The following SEMA5B variants were observed in gnomAD, a reference collection of about 807,000 sequenced individuals.
SEMA5B encodes the protein semaphorin 5B.
Under a neutral mutation model 135.0 loss-of-function variants are expected in SEMA5B, and 66 were observed. The ratio of observed to expected loss-of-function variants is 0.49; its 90% confidence interval spans 0.40 to 0.60. The LOEUF is 0.60. Among genes scored for constraint, SEMA5B ranks in the 20% least tolerant of loss-of-function variants. SEMA5B has a pLI of 0.00. For synonymous variants in SEMA5B, 690 were observed against 639.5 expected, an observed-to-expected ratio of 1.08 and a Z score of -1.19; for missense variants, 1,501 against 1,566.3, an observed-to-expected ratio of 0.96 and a Z score of 0.70.
intron 5 of SEMA5B, among the ~76,000 whole-genome samples, chr3:122,934,804 C>T (rs1185226022): frequency 2.0e-5 from 3 of 149,204 alleles, no homozygotes; most frequent in East Asian, 4.0e-4. Context: ...CAGCTTGAGG[C>T]CAAGAGTTGG....
chr3:123,028,088 C>A (rs1360112162), upstream of SEMA5B, among the ~76,000 whole-genome samples: 1 of 152,178 alleles, frequency 6.6e-6, no homozygotes, highest in Non-Finnish European at 1.5e-5. Flanking sequence ...CCCGCCTTGC[C>A]GTTCTCGGTC....
chr3:122,981,655 C>T (rs1576388178), intron 1 of SEMA5B, among the ~76,000 whole-genome samples: 1 of 152,316 alleles, frequency 6.6e-6, no homozygotes, highest in South Asian at 2.1e-4. Context: ...GAGGCTGTCA[C>T]ACAGGCAGAG....
intron 1 of SEMA5B, among the ~76,000 whole-genome samples, chr3:123,005,725 T>A (rs796677336): frequency 1.3e-5 from 2 of 151,334 alleles, no homozygotes; most frequent in African/African-American, 2.4e-5. Flanking sequence ...CCTGAGGGGG[T>A]CATTTGAGCT....
intron 1 of SEMA5B, among the ~76,000 whole-genome samples, chr3:123,006,670 G>C (rs768759181): frequency 1.8e-4 from 28 of 152,294 alleles, no homozygotes; most frequent in Non-Finnish European, 2.9e-4. Context: ...GAGGCTGAGA[G>C]AGCCAGGATG....
chr3:123,007,923 G>T (rs1330393131), intron 1 of SEMA5B, among the ~76,000 whole-genome samples: 2 of 152,178 alleles, frequency 1.3e-5, no homozygotes, highest in Non-Finnish European at 2.9e-5. Flanking sequence ...TTCCAGAAAT[G>T]CCAGGAGGCA....
At chr3:123,012,151 C>A (rs187462477) in intron 1 of SEMA5B, among the ~76,000 whole-genome samples, 1 of 152,182 alleles carries the variant, frequency 6.6e-6, no homozygotes, top group African/African-American at 2.4e-5. Flanking sequence ...GTCTTTTCCT[C>A]GTGTGTAAAC....
intron 1 of SEMA5B, among the ~76,000 whole-genome samples, chr3:123,016,937 G>C (rs1447579203): frequency 7.0e-6 from 1 of 143,806 alleles, no homozygotes; most frequent in African/African-American, 2.7e-5. Flanking sequence ...TGTCACCCAG[G>C]CTGAAGTGCA....
At chr3:123,005,106 T>C (rs1043642327) in intron 1 of SEMA5B, among the ~76,000 whole-genome samples, 1 of 152,060 alleles carries the variant, frequency 6.6e-6, no homozygotes, top group Admixed American at 6.6e-5. Context: ...CTTCTAGGGA[T>C]GAGCACAATT....
intron 1 of SEMA5B, among the ~76,000 whole-genome samples, chr3:123,018,900 G>A (rs1576412683): frequency 6.6e-6 from 1 of 152,188 alleles, no homozygotes; most frequent in Admixed American, 6.5e-5. Context: ...CAGCTGCAAG[G>A]CATGCTGGAA....
Position 122,935,906 on chromosome 3 carries a change from T to TG in SEMA5B, c.474+3518dup, listed in dbSNP as rs374795480. Among the ~76,000 whole-genome samples the TG allele has an allele frequency of 8.7e-3, 1,318 of 152,136 alleles. 22 individuals are homozygous for TG. Among genetic ancestry groups the TG allele is most frequent in the African/African-American group, 0.03 (1,260 of 41,484 alleles). ...TGGGGTTTCACCACGTTGGCCAGGCTGGTCTTGAACTTCTGACCTCAGGTG... is the reference window on the plus strand; with the variant it reads ...TGGGGTTTCACCACGTTGGCCAGGCTGGGTCTTGAACTTCTGACCTCAGGTG... On this transcript the variant is annotated intron_variant, in intron 5 of 22. Transcript: ENST00000357599.
intron 1 of SEMA5B, among the ~76,000 whole-genome samples, chr3:122,996,684 C>T (rs1255992493): frequency 6.6e-6 from 1 of 152,194 alleles, no homozygotes; most frequent in Non-Finnish European, 1.5e-5. Flanking sequence ...ACCGTGCACC[C>T]CTCACACCAG....
intron 1 of SEMA5B, among the ~76,000 whole-genome samples, chr3:123,014,817 A>G (rs980265974): frequency 1.3e-5 from 2 of 152,184 alleles, no homozygotes; most frequent in African/African-American, 2.4e-5. Flanking sequence ...TGTAGGATGA[A>G]CCGTGTCCCC....
At position 122,911,994 on chromosome 3, in the gene SEMA5B, T is replaced by A. The variant is rs752371532; in HGVS notation, c.2972A>T (p.Glu991Val). ...GAQSRSRHCE[E>V]LLPGSSACAG... is the part of the protein sequence containing the mutation. The stretch of plus-strand genomic sequence containing the variant: ...ACAGGCGCTGGACCCTGGGAGGAGC[T>A]CCTCACAGTGCCGGCTTCGGCTCTG... Residue 991 changes from glutamate (E) to valine (V), a missense_variant, in exon 20 of 23, where the codon GAG (glutamate) becomes GTG (valine). Glu to Val is a moderately radical substitution (Grantham distance 121). Coordinates refer to ENST00000357599, the MANE Select transcript of SEMA5B (RefSeq NM_001031702.4). 4.3e-6 allele frequency: 7 copies of A among 1,613,498 alleles called. No individual in the cohort carries two copies. In the Admixed American group the frequency reaches 1.2e-4, roughly 27 times the overall value.
At chr3:122,952,350 C>T (rs1282828428) in intron 2 of SEMA5B, among the ~76,000 whole-genome samples, 2 of 152,160 alleles carry the variant, frequency 1.3e-5, no homozygotes, top group African/African-American at 4.8e-5. Context: ...AACAAGGCCA[C>T]AGGGCTGGGG....
chr3:122,982,864 G>A (rs1941564886), intron 1 of SEMA5B, among the ~76,000 whole-genome samples: 1 of 152,176 alleles, frequency 6.6e-6, no homozygotes. Context: ...GTATTTGTTC[G>A]GCTGCCCTGG....
At chr3:122,946,659 C>G (rs1939803136) in intron 3 of SEMA5B, among the ~76,000 whole-genome samples, 1 of 152,100 alleles carries the variant, frequency 6.6e-6, no homozygotes, top group Non-Finnish European at 1.5e-5. Context: ...GCTGAGGGAC[C>G]AAAGGCAGTG....
At chr3:123,002,461 G>T (rs1205541646) in intron 1 of SEMA5B, among the ~76,000 whole-genome samples, 2 of 152,254 alleles carry the variant, frequency 1.3e-5, no homozygotes, top group Non-Finnish European at 2.9e-5. Context: ...AAGCTTGCAA[G>T]AGCAGCAGAC....
chr3:122,932,673 T>C (rs1056683703), intron 5 of SEMA5B, among the ~76,000 whole-genome samples: 2 of 152,130 alleles, frequency 1.3e-5, no homozygotes, highest in African/African-American at 4.8e-5. Flanking sequence ...CTGTAAGCAG[T>C]GGTGGGCTCT....
chr3:123,016,825 T>C (rs1440156118), intron 1 of SEMA5B, among the ~76,000 whole-genome samples: 1 of 151,940 alleles, frequency 6.6e-6, no homozygotes, highest in Non-Finnish European at 1.5e-5. Context: ...AAAGTGATTC[T>C]CTGGCTTCAG....
Sources: gnomAD v4.1 joint callset for allele counts (sites outside exome capture counted in the v4.1 genomes callset) on GRCh38, gnomAD v4.1.1 for gene constraint, MANE v1.5 for transcripts, NCBI Gene and HGNC (gene_info 2026-07-23, HGNC 2026-07-21) for gene names.